Variants in KANSL1L observed in about 807,000 individuals in gnomAD.
KANSL1L encodes KAT8 regulatory NSL complex subunit 1-like protein.
KANSL1L carries 25 observed loss-of-function variants against 108.6 expected under a neutral mutation model. That is an observed-to-expected ratio of 0.23 (90% CI 0.17 to 0.32). The LOEUF is 0.32. Among genes scored for constraint, KANSL1L ranks in the 10% least tolerant of loss-of-function variants. The probability of loss-of-function intolerance (pLI) is 1.00; values close to 1 mark genes in which losing one functional copy is unlikely to be tolerated. For synonymous variants in KANSL1L, 405 were observed against 395.1 expected, an observed-to-expected ratio of 1.03 and a Z score of -0.30; for missense variants, 1,137 against 1,125.7, an observed-to-expected ratio of 1.01 and a Z score of -0.14.
At chr2:210,094,154 T>A (rs1402061352) in intron 5 of KANSL1L, among the ~76,000 whole-genome samples, 3 of 152,246 alleles carry the variant, frequency 2.0e-5, no homozygotes, top group Non-Finnish European at 4.4e-5. Flanking sequence ...TACACAACAT[T>A]TTGATTGTAT....
chr2:210,102,311 T>A (rs1419101840), intron 4 of KANSL1L, among the ~76,000 whole-genome samples: 1 of 152,170 alleles, frequency 6.6e-6, no homozygotes, highest in Non-Finnish European at 1.5e-5. Flanking sequence ...ATACAAAAAT[T>A]AATTCAAGAT....
intron 3 of KANSL1L, among the ~76,000 whole-genome samples, chr2:210,121,627 C>G (rs148283895): frequency 6.6e-6 from 1 of 152,186 alleles, no homozygotes; most frequent in East Asian, 1.9e-4. Flanking sequence ...CACACCCGCA[C>G]TTGTACCCCT....
At chr2:210,136,477 C>G (rs1465066143) in intron 2 of KANSL1L, among the ~76,000 whole-genome samples, 1 of 152,120 alleles carries the variant, frequency 6.6e-6, no homozygotes, top group African/African-American at 2.4e-5. Flanking sequence ...AAGGGAAATA[C>G]TGTAAATAAA....
intron 4 of KANSL1L, 136 bp from the exon 5 acceptor site, chr2:210,098,343 G>C (rs2094759167): frequency 1.3e-6 from 1 of 753,634 alleles, no homozygotes; most frequent in Admixed American, 3.4e-5. Flanking sequence ...ATTTGACAAA[G>C]ACAATTTATA....
At chr2:210,111,666 A>G (rs912308305) in intron 3 of KANSL1L, among the ~76,000 whole-genome samples, 1 of 152,180 alleles carries the variant, frequency 6.6e-6, no homozygotes, top group African/African-American at 2.4e-5. Flanking sequence ...GATACCTGTT[A>G]GTAAGAATGC....
intron 5 of KANSL1L, among the ~76,000 whole-genome samples, chr2:210,079,644 A>ATATATATATATATG (rs1559539651): frequency 7.8e-4 from 7 of 8,976 alleles, no homozygotes; most frequent in African/African-American, 1.2e-3. Context: ...ATATATATAT[A>ATATATATATATATG]TATATATATA....
chr2:210,112,358 G>A (rs1054501048), intron 3 of KANSL1L, among the ~76,000 whole-genome samples: 1 of 152,144 alleles, frequency 6.6e-6, no homozygotes, highest in Non-Finnish European at 1.5e-5. Flanking sequence ...AAAGGTACCA[G>A]ATAGAAAAGA....
At chr2:210,148,534 T>C (rs1306647894) in intron 2 of KANSL1L, among the ~76,000 whole-genome samples, 1 of 152,168 alleles carries the variant, frequency 6.6e-6, no homozygotes, top group Non-Finnish European at 1.5e-5. Context: ...GGACTATATC[T>C]TAAATCTACA....
intron 3 of KANSL1L, among the ~76,000 whole-genome samples, chr2:210,120,975 C>T (rs553727683): frequency 4.6e-5 from 7 of 152,052 alleles, no homozygotes; most frequent in Non-Finnish European, 8.8e-5. Flanking sequence ...CAGATGGCTA[C>T]TATTAAAAAG....
rs770282565 is a variant in KANSL1L at position 210,025,192 on chromosome 2, A to C, written c.2476T>G (p.Phe826Val). 18 of 1,597,532 alleles carry C rather than the reference A, an allele frequency of 1.1e-5. No homozygotes were observed. In the South Asian group the frequency reaches 2.0e-4, roughly 18 times the overall value. ...EEIEDLSDEVFSLRHKKYEER... is the reference protein window; with the variant it reads ...EEIEDLSDEVVSLRHKKYEER... ...TCATATTTTTTGTGCCTTAGGGAGA[A>C]GACTTCATCAGAAAGATCTTCTATC... The change falls in exon 13 of 15, where the codon TTC becomes GTC. Residue 826 changes from phenylalanine (F) to valine (V), a missense_variant. Transcript: ENST00000281772.
intron 2 of KANSL1L, among the ~76,000 whole-genome samples, chr2:210,147,288 T>C (rs1180118948): frequency 6.6e-6 from 1 of 152,062 alleles, no homozygotes; most frequent in Non-Finnish European, 1.5e-5. Flanking sequence ...AGCTAAACCT[T>C]GTCTCTACAA....
chr2:210,089,525 T>C (rs1245673121), intron 5 of KANSL1L, among the ~76,000 whole-genome samples: 1 of 152,140 alleles, frequency 6.6e-6, no homozygotes, highest in East Asian at 1.9e-4. Context: ...TTCCATTAAA[T>C]TTAAAATAAA....
At chr2:210,106,759 T>C (rs1055783396) in intron 3 of KANSL1L, among the ~76,000 whole-genome samples, 5 of 114,972 alleles carry the variant, frequency 4.3e-5, no homozygotes, top group Non-Finnish European at 1.0e-4. Context: ...ACAGAGACTC[T>C]GTCAAAAAAA....
chr2:210,065,190 G>T (rs1224644713), intron 6 of KANSL1L, among the ~76,000 whole-genome samples: 1 of 148,392 alleles, frequency 6.7e-6, no homozygotes, highest in Non-Finnish European at 1.5e-5. Flanking sequence ...TATTGGGGAG[G>T]CTGAGGCAGG....
At chr2:210,132,199 C>G (rs1276785933) in intron 2 of KANSL1L, among the ~76,000 whole-genome samples, 1 of 152,042 alleles carries the variant, frequency 6.6e-6, no homozygotes, top group Non-Finnish European at 1.5e-5. Context: ...ACATGTTATA[C>G]CCCAAAGTCA....
At chr2:210,097,331 T>C (rs1320774507) in intron 5 of KANSL1L, 1 of 758,490 alleles carries the variant, frequency 1.3e-6, no homozygotes, top group Non-Finnish European at 1.6e-6. Flanking sequence ...ATAAATTATA[T>C]AATTTTTAAC....
intron 6 of KANSL1L, among the ~76,000 whole-genome samples, chr2:210,060,655 A>G (rs539821019): frequency 1.1e-3 from 172 of 152,344 alleles, no homozygotes; most frequent in Non-Finnish European, 2.0e-3. Flanking sequence ...ACAGCTTACC[A>G]GAGATTAGCA....
intron 6 of KANSL1L, among the ~76,000 whole-genome samples, chr2:210,053,407 G>A (rs1350282097): frequency 6.6e-6 from 1 of 152,082 alleles, no homozygotes; most frequent in Non-Finnish European, 1.5e-5. Flanking sequence ...GACCAGCCTG[G>A]CCAACATGGT....
At chr2:210,060,939 T>C (rs2094413421) in intron 6 of KANSL1L, among the ~76,000 whole-genome samples, 1 of 152,214 alleles carries the variant, frequency 6.6e-6, no homozygotes. Context: ...GGGCTGCAAC[T>C]ATTAATAGAG....
Sources: allele counts gnomAD v4.1 joint callset (sites outside exome capture counted in the v4.1 genomes callset), GRCh38; gene constraint gnomAD v4.1.1; transcripts MANE v1.5; gene names NCBI Gene and HGNC (gene_info 2026-07-23, HGNC 2026-07-21).